GDA: variants seen among roughly 807,000 people sequenced by gnomAD.
The protein encoded by GDA is cytoplasmic PSD-95 interactor.
In GDA, 18 loss-of-function variants were observed where a neutral mutation model predicts 59.6. The observed-to-expected ratio is 0.30, with a 90% CI of 0.21 to 0.45. The LOEUF (loss-of-function observed/expected upper bound fraction) is 0.45. Among genes scored for constraint, GDA ranks in the 20% least tolerant of loss-of-function variants. GDA has a pLI of 1.00. For synonymous variants in GDA, 201 were observed against 201.1 expected (o/e 1.00, Z 0.00); for missense variants, 427 against 552.3 (o/e 0.77, Z 2.27).
intron 1 of GDA, among the ~76,000 whole-genome samples, chr9:72,190,840 C>T (rs756649212): frequency 1.3e-4 from 19 of 151,916 alleles, no homozygotes; most frequent in East Asian, 5.8e-4. Context: ...TTGTATTACA[C>T]GTTTTGAAAG....
intron 1 of GDA, among the ~76,000 whole-genome samples, chr9:72,160,582 A>G (rs753215429): frequency 5.3e-5 from 8 of 152,360 alleles, no homozygotes; most frequent in Middle Eastern, 3.4e-3. Flanking sequence ...TTATGGCTGA[A>G]TAATAGTCCA....
At chr9:72,135,520 C>T (rs187909270) in intron 1 of GDA, among the ~76,000 whole-genome samples, 6 of 152,242 alleles carry the variant, frequency 3.9e-5, no homozygotes, top group African/African-American at 4.8e-5. Flanking sequence ...GGCTCTTATT[C>T]GCTTTCCTCT....
At chr9:72,242,901 A>G (rs1839776138) in intron 11 of GDA, among the ~76,000 whole-genome samples, 1 of 152,124 alleles carries the variant, frequency 6.6e-6, no homozygotes, top group Non-Finnish European at 1.5e-5. Flanking sequence ...GGCTCTCTGT[A>G]AGTTACTTCA....
chr9:72,250,737 T>G lies in GDA; in HGVS notation c.*2395T>G. ...TTTGTCACTTTTTGTTTTAATATCTTGCTCTCTGACAGGAAAGAAACAATT... is the reference window on the plus strand; with the variant it reads ...TTTGTCACTTTTTGTTTTAATATCTGGCTCTCTGACAGGAAAGAAACAATT... On this transcript the variant is annotated 3_prime_UTR_variant, in exon 14 of 14. Coordinates refer to ENST00000358399, the MANE Select transcript of GDA (RefSeq NM_004293.5). The G allele has an allele frequency of 6.2e-7, 1 of 1,612,140 alleles. No individual in the cohort carries two copies. The highest frequency in any genetic ancestry group is 8.5e-7 in the Non-Finnish European group (1 of 1,179,364).
chr9:72,177,915 G>A (rs960726902), intron 1 of GDA, among the ~76,000 whole-genome samples: 2 of 152,172 alleles, frequency 1.3e-5, no homozygotes, highest in African/African-American at 2.4e-5. Context: ...ACATTGCTAT[G>A]GTTAGCTGTA....
At chr9:72,154,479 A>G (rs1044761775) in intron 1 of GDA, among the ~76,000 whole-genome samples, 3 of 152,204 alleles carry the variant, frequency 2.0e-5, no homozygotes, top group African/African-American at 7.2e-5. Context: ...GCCAAGTGGT[A>G]GAGAAGGAAG....
chr9:72,147,194 G>A (rs1436392451), upstream of GDA, among the ~76,000 whole-genome samples: 5 of 152,104 alleles, frequency 3.3e-5, no homozygotes, highest in African/African-American at 4.8e-5. Context: ...CATAGAAGCT[G>A]TTTTTTGTTT....
At chr9:72,226,619 A>T (rs13439903) in intron 8 of GDA, among the ~76,000 whole-genome samples, 1 of 152,240 alleles carries the variant, frequency 6.6e-6, no homozygotes, top group Admixed American at 6.5e-5. Context: ...AGAGTTTACC[A>T]TAGCAAATAA....
chr9:72,213,815 A>G (rs1178247531), intron 4 of GDA, 71 bp from the exon 5 acceptor site: 11 of 971,120 alleles, frequency 1.1e-5, no homozygotes, highest in South Asian at 2.9e-5. Flanking sequence ...AAAAAAAAAA[A>G]AAAAGAAAAA....
intron 1 of GDA, among the ~76,000 whole-genome samples, chr9:72,134,470 C>T (rs975058396): frequency 3.3e-5 from 5 of 150,842 alleles, no homozygotes; most frequent in African/African-American, 1.2e-4. Context: ...GGTGTGATCT[C>T]GGCTCACTGC....
intron 6 of GDA, among the ~76,000 whole-genome samples, chr9:72,222,321 G>A (rs980168225): frequency 9.9e-5 from 15 of 152,066 alleles, no homozygotes; most frequent in South Asian, 2.1e-4. Flanking sequence ...GTGATGTTGA[G>A]CTTTTTTTTC....
At chr9:72,195,782 C>A (rs144633406) in intron 2 of GDA, among the ~76,000 whole-genome samples, 194 bp downstream of exon 2, 3 of 152,134 alleles carry the variant, frequency 2.0e-5, no homozygotes, top group African/African-American at 7.2e-5. Flanking sequence ...ACTTAGAGAG[C>A]TAGAGGCTGC....
intron 9 of GDA, among the ~76,000 whole-genome samples, chr9:72,229,919 G>A (rs934557930): frequency 6.6e-6 from 1 of 152,220 alleles, no homozygotes; most frequent in African/African-American, 2.4e-5. Flanking sequence ...TTAGGGTCTA[G>A]TTACTTGATA....
At chr9:72,215,309 G>C (rs927362199) in intron 5 of GDA, among the ~76,000 whole-genome samples, 2 of 146,586 alleles carry the variant, frequency 1.4e-5, no homozygotes, top group East Asian at 4.0e-4. Flanking sequence ...CCAGAACTTA[G>C]AGAAACACAA....
intron 4 of GDA, among the ~76,000 whole-genome samples, chr9:72,212,150 C>T (rs7030035): frequency 0.19 from 29,417 of 152,052 alleles, 3,597 homozygotes; most frequent in East Asian, 0.52. Context: ...AGTAAGACTG[C>T]GTAAAATTCC....
intron 4 of GDA, among the ~76,000 whole-genome samples, chr9:72,212,167 A>T (rs1291514855): frequency 6.6e-6 from 1 of 152,138 alleles, no homozygotes; most frequent in East Asian, 1.9e-4. Context: ...TTCCTCACAG[A>T]TAATATTGGC....
chr9:72,119,994 A>T (rs1825607663), intron 1 of GDA, among the ~76,000 whole-genome samples: 1 of 152,226 alleles, frequency 6.6e-6, no homozygotes, highest in Non-Finnish European at 1.5e-5. Context: ...AATCTATTGT[A>T]TCTAAAGTTA....
At chr9:72,242,888 T>C (rs1839774406) in intron 11 of GDA, among the ~76,000 whole-genome samples, 1 of 152,208 alleles carries the variant, frequency 6.6e-6, no homozygotes, top group African/African-American at 2.4e-5. Flanking sequence ...TTTTGAATTC[T>C]AGGGCTCTCT....
In GDA at chr9:72,123,574, A is replaced by G. The variant is rs534680485; in HGVS notation, c.-100+8741A>G. Among the ~76,000 whole-genome samples the G allele has an allele frequency of 6.4e-4, 85 of 132,116 alleles. 1 individual carries two copies. Among genetic ancestry groups the G allele is most frequent in the South Asian group, 1.9e-3 (8 of 4,142 alleles). 86.7% of individuals were successfully genotyped at this position (132,116 alleles called of 152,430 possible). On this transcript the variant is annotated intron_variant, in intron 1 of 13. Transcript: ENST00000545168. The stretch of plus-strand genomic sequence containing the variant: ...GTGATCTCAGCTCACTGCAGCCTCC[A>G]TCTCCCGGGTTCAAGCGATTCTCCT...
Sources: allele counts gnomAD v4.1 joint callset (sites outside exome capture counted in the v4.1 genomes callset), GRCh38; gene constraint gnomAD v4.1.1; transcripts MANE v1.5; gene names NCBI Gene and HGNC (gene_info 2026-07-23, HGNC 2026-07-21).